The following NOL4 variants were observed in gnomAD, a reference collection of about 807,000 sequenced individuals.
NOL4 encodes the protein cancer/testis antigen 125.
A neutral mutation model predicts 75.9 loss-of-function variants in NOL4; 17 were observed. The observed-to-expected ratio is 0.22, with a 90% CI of 0.15 to 0.34. NOL4 has a LOEUF of 0.34. NOL4 is among the 10% of genes least tolerant of loss of function. NOL4 has a pLI of 1.00. For missense variants in NOL4, 614 were observed against 793.5 expected, an observed-to-expected ratio of 0.77 and a Z score of 2.72; for synonymous variants, 292 against 289.9, an observed-to-expected ratio of 1.01 and a Z score of -0.07.
At chr18:34,093,644 G>T (rs577988495) in intron 4 of NOL4, 47 bp from the exon 5 acceptor site, 12 of 1,377,262 alleles carry the variant, frequency 8.7e-6, no homozygotes, top group Middle Eastern at 2.0e-4. Context: ...CGTATAATAC[G>T]TTTAAATAAT....
chr18:33,952,068 T>C (rs1051101833), intron 8 of NOL4, among the ~76,000 whole-genome samples: 3 of 152,188 alleles, frequency 2.0e-5, no homozygotes, highest in Non-Finnish European at 4.4e-5. Context: ...GGAAATTTCC[T>C]TTTCTTTCTT....
chr18:34,101,873 G>C (rs528797703), intron 4 of NOL4, among the ~76,000 whole-genome samples: 1 of 151,756 alleles, frequency 6.6e-6, no homozygotes, highest in East Asian at 1.9e-4. Context: ...ATATTACTCA[G>C]AGTAAAATTT....
At chr18:33,890,396 C>T (rs2065023999) in intron 9 of NOL4, among the ~76,000 whole-genome samples, 1 of 152,098 alleles carries the variant, frequency 6.6e-6, no homozygotes, top group Non-Finnish European at 1.5e-5. Flanking sequence ...AATGGAATAA[C>T]ATTCCATGCT....
At chr18:33,893,422 CCTAA>C (rs2065214818) in intron 9 of NOL4, among the ~76,000 whole-genome samples, 1 of 152,082 alleles carries the variant, frequency 6.6e-6, no homozygotes, top group Admixed American at 6.6e-5. Context: ...ACACTGAATT[CCTAA>C]CTTACTCTAG....
chr18:34,178,639 A>G (rs2033766434), intron 1 of NOL4, among the ~76,000 whole-genome samples: 1 of 151,734 alleles, frequency 6.6e-6, no homozygotes, highest in Non-Finnish European at 1.5e-5. Flanking sequence ...AAAGTTGTCA[A>G]GCCATCAAGA....
intron 5 of NOL4, among the ~76,000 whole-genome samples, chr18:34,031,227 T>C (rs1004892468): frequency 2.0e-5 from 3 of 152,198 alleles, no homozygotes; most frequent in Non-Finnish European, 4.4e-5. Context: ...CTCTGTTGTA[T>C]CTAGCGCAGT....
At chr18:34,077,365 T>C (rs1470653676) in intron 5 of NOL4, among the ~76,000 whole-genome samples, 1 of 151,980 alleles carries the variant, frequency 6.6e-6, no homozygotes, top group Non-Finnish European at 1.5e-5. Context: ...TCTACTGAAT[T>C]AAAAATCAAG....
chr18:34,150,284 C>T (rs2081585569), intron 1 of NOL4, among the ~76,000 whole-genome samples: 1 of 151,480 alleles, frequency 6.6e-6, no homozygotes, highest in Non-Finnish European at 1.5e-5. Flanking sequence ...GTATAGCCAA[C>T]ACAATATTAA....
chr18:33,940,980 G>A (rs963145196), intron 9 of NOL4, among the ~76,000 whole-genome samples: 2 of 151,892 alleles, frequency 1.3e-5, no homozygotes, highest in Non-Finnish European at 1.5e-5. Context: ...TGAGCTCAAT[G>A]TAAAGACCTT....
chr18:33,918,364 T>C (rs575910776), intron 9 of NOL4, among the ~76,000 whole-genome samples: 1 of 152,352 alleles, frequency 6.6e-6, no homozygotes, highest in Admixed American at 6.5e-5. Context: ...GAGTTGAACT[T>C]ACATTCATAC....
intron 1 of NOL4, among the ~76,000 whole-genome samples, chr18:34,161,208 C>T (rs2031422984): frequency 1.3e-5 from 2 of 152,062 alleles, no homozygotes; most frequent in African/African-American, 4.8e-5. Flanking sequence ...TTTTCTTTAT[C>T]CATCTGTTGA....
chr18:34,118,539 C>A (rs970447782), intron 2 of NOL4, among the ~76,000 whole-genome samples: 1 of 152,158 alleles, frequency 6.6e-6, no homozygotes, highest in Non-Finnish European at 1.5e-5. Context: ...AACTCCAGAG[C>A]GGCCTCTATC....
intron 5 of NOL4, among the ~76,000 whole-genome samples, chr18:34,046,634 A>ATATATG (rs1193500422): frequency 1.5e-5 from 2 of 137,484 alleles, no homozygotes; most frequent in East Asian, 4.1e-4. Context: ...ATATATATAT[A>ATATATG]TATGTATATG....
At chr18:34,128,713 A>C in intron 2 of NOL4, 1 of 180,970 alleles carries the variant, frequency 5.5e-6, no homozygotes. Flanking sequence ...ATAGAGGAGG[A>C]GGGATAAATA....
chr18:33,905,891 T>C (rs892708988), intron 9 of NOL4, among the ~76,000 whole-genome samples: 6 of 152,256 alleles, frequency 3.9e-5, no homozygotes, highest in Admixed American at 3.9e-4. Context: ...CAACCAGTAG[T>C]ACCCAGATGG....
chr18:33,957,479 T>C lies in NOL4; in HGVS notation c.1275A>G (p.Arg425=). Residue 425 remains arginine (R), a synonymous_variant, in exon 8 of 11, where the codon CGA becomes CGG. Transcript: ENST00000261592. The stretch of plus-strand genomic sequence containing the variant: ...TGGGCTGCTTAGAGATTGGGACCAT[T>C]CGGTCCAAGTTTTCATCTACAAACA... ...VRLFVDENLD[R]MVPISKQPKE... is the part of the protein sequence containing the mutation. 5 of 1,613,478 alleles carry C rather than the reference T, an allele frequency of 3.1e-6. No homozygotes were observed. Among genetic ancestry groups the C allele is most frequent in the East Asian group, 2.2e-5 (1 of 44,786 alleles).
chr18:34,098,097 G>A (rs1444113962), intron 4 of NOL4, among the ~76,000 whole-genome samples: 1 of 152,034 alleles, frequency 6.6e-6, no homozygotes, highest in African/African-American at 2.4e-5. Flanking sequence ...TTCCAAAGAT[G>A]GCTACCATGG....
intron 9 of NOL4, among the ~76,000 whole-genome samples, chr18:33,886,180 T>G (rs531013818): frequency 6.7e-6 from 1 of 150,020 alleles, no homozygotes; most frequent in South Asian, 2.1e-4. Flanking sequence ...GGAAGGGGAG[T>G]GAGGGGATGG....
intron 9 of NOL4, among the ~76,000 whole-genome samples, chr18:33,888,646 G>A (rs1395568725): frequency 6.6e-6 from 1 of 152,080 alleles, no homozygotes; most frequent in Non-Finnish European, 1.5e-5. Flanking sequence ...TGGCTAGACA[G>A]TTTTCCCAGC....
Sources: gnomAD v4.1 joint callset for allele counts (sites outside exome capture counted in the v4.1 genomes callset) on GRCh38, gnomAD v4.1.1 for gene constraint, MANE v1.5 for transcripts, NCBI Gene and HGNC (gene_info 2026-07-23, HGNC 2026-07-21) for gene names.